The following UACA variants were observed in gnomAD, a reference collection of about 807,000 sequenced individuals.
UACA encodes the protein uveal autoantigen with coiled-coil domains and ankyrin repeats.
Under a neutral mutation model 160.5 loss-of-function variants are expected in UACA, and 112 were observed. The observed-to-expected ratio is 0.70, with a 90% CI of 0.60 to 0.82. The LOEUF (loss-of-function observed/expected upper bound fraction) is 0.82, where lower values mean the gene tolerates loss of function less well. UACA is among the 40% of genes least tolerant of loss of function. The probability of loss-of-function intolerance (pLI) is 0.00; values close to 1 mark genes in which losing one functional copy is unlikely to be tolerated. For synonymous variants in UACA, 557 were observed against 568.4 expected (o/e 0.98, Z 0.29); for missense variants, 1,574 against 1,614.6 (o/e 0.97, Z 0.43).
chr15:70,696,536 A>T (rs960500374), intron 2 of UACA, among the ~76,000 whole-genome samples: 2 of 152,186 alleles, frequency 1.3e-5, no homozygotes, highest in Non-Finnish European at 2.9e-5. Context: ...ATAAATGCAA[A>T]CTATAGACAA....
chr15:70,759,727 T>C (rs1215432130), intron 1 of UACA, among the ~76,000 whole-genome samples: 1 of 152,214 alleles, frequency 6.6e-6, no homozygotes, highest in African/African-American at 2.4e-5. Context: ...GATGCAGCCA[T>C]CTCCAGATTT....
chr15:70,713,104 G>A (rs1898730766), intron 1 of UACA, among the ~76,000 whole-genome samples: 1 of 152,188 alleles, frequency 6.6e-6, no homozygotes, highest in African/African-American at 2.4e-5. Context: ...CAGCACTTTG[G>A]GAGGCCGAGG....
At chr15:70,746,621 T>C (rs1899715761) in intron 1 of UACA, among the ~76,000 whole-genome samples, 1 of 152,152 alleles carries the variant, frequency 6.6e-6, no homozygotes. Context: ...GACCCATCAA[T>C]CCCATTACTG....
intron 7 of UACA, among the ~76,000 whole-genome samples, chr15:70,686,847 G>A (rs1489494960): frequency 6.6e-6 from 1 of 152,140 alleles, no homozygotes; most frequent in African/African-American, 2.4e-5. Flanking sequence ...GAAGGGGTGT[G>A]TTTCAGATAC....
intron 1 of UACA, among the ~76,000 whole-genome samples, chr15:70,744,961 T>C (rs966215555): frequency 1.2e-4 from 19 of 152,188 alleles, no homozygotes; most frequent in African/African-American, 4.3e-4. Flanking sequence ...TACACAAGTG[T>C]AATGTTTTCC....
At chr15:70,695,154 A>C (rs771874546) in intron 2 of UACA, 49 bp from the exon 3 acceptor site, 3 of 1,367,382 alleles carry the variant, frequency 2.2e-6, no homozygotes, top group Non-Finnish European at 3.0e-6. Flanking sequence ...ACCAAAGGTC[A>C]CCTTAAATGC....
upstream of UACA, among the ~76,000 whole-genome samples, chr15:70,764,621 C>T (rs746771296): frequency 2.6e-5 from 4 of 152,180 alleles, no homozygotes; most frequent in Non-Finnish European, 5.9e-5. Context: ...TTTATAGTAA[C>T]GCAAGGTTTT....
At chr15:70,702,153 G>A in intron 1 of UACA, 2 of 1,282,246 alleles carry the variant, frequency 1.6e-6, no homozygotes, top group Non-Finnish European at 2.0e-6. Flanking sequence ...ATTAAGAGCA[G>A]CCCCAAGTCA....
chr15:70,659,391 GTTTGT>G (rs1390923276), intron 18 of UACA, among the ~76,000 whole-genome samples: 928 of 9,920 alleles, frequency 0.094, 23 homozygotes, highest in African/African-American at 0.15. Context: ...TTCATTTTTT[GTTTGT>G]TTTTTTTTTT....
intron 1 of UACA, among the ~76,000 whole-genome samples, chr15:70,736,128 G>A (rs1184134794): frequency 6.6e-6 from 1 of 152,180 alleles, no homozygotes; most frequent in Non-Finnish European, 1.5e-5. Flanking sequence ...CACCTCTGGT[G>A]TGGAAACTGA....
chr15:70,767,236 T>C (rs1595933525), upstream of UACA, among the ~76,000 whole-genome samples: 1 of 103,142 alleles, frequency 9.7e-6, no homozygotes, highest in African/African-American at 4.5e-5. Flanking sequence ...CAAGACTCCA[T>C]CTCAAAAAAA....
intron 1 of UACA, among the ~76,000 whole-genome samples, chr15:70,735,471 T>C (rs936411303): frequency 2.0e-5 from 3 of 152,074 alleles, no homozygotes; most frequent in African/African-American, 4.8e-5. Flanking sequence ...TAGGAAACTA[T>C]TTTAAGGAGT....
At chr15:70,736,439 T>G (rs1279552398) in intron 1 of UACA, among the ~76,000 whole-genome samples, 1 of 152,092 alleles carries the variant, frequency 6.6e-6, no homozygotes, top group African/African-American at 2.4e-5. Flanking sequence ...TTCAACATGC[T>G]TTTTTTGGGG....
Position 70,664,667 on chromosome 15 carries a change from G to A in UACA, c.4108C>T (p.Leu1370=). 6.2e-7 allele frequency: 1 copy of A among 1,608,804 alleles called. No homozygotes were observed. Among genetic ancestry groups the A allele is most frequent in the Non-Finnish European group, 8.5e-7 (1 of 1,177,664 alleles). Residue 1370 remains leucine (L), a synonymous_variant, in exon 17 of 19, where the codon CTG becomes TTG. Transcript: ENST00000322954. ...CCGTGTGCCTGGTTACTCACGGCCA[G>A]CTGTTGCTCCAGAGATTTCACTTGG... ...QHQVKSLEQQ[L]ADADRQHQEV...
intron 1 of UACA, among the ~76,000 whole-genome samples, chr15:70,743,201 T>G (rs1899592400): frequency 6.6e-6 from 1 of 152,236 alleles, no homozygotes; most frequent in South Asian, 2.1e-4. Context: ...ATCTTTCAAA[T>G]TGCTCTGACT....
intron 1 of UACA, among the ~76,000 whole-genome samples, chr15:70,755,688 AG>A (rs2030382665): frequency 1.3e-5 from 2 of 149,810 alleles, no homozygotes; most frequent in South Asian, 2.1e-4. Context: ...AAAAAAAAAA[AG>A]AATGAATGAA....
At chr15:70,735,940 T>C (rs958570346) in intron 1 of UACA, among the ~76,000 whole-genome samples, 1 of 152,188 alleles carries the variant, frequency 6.6e-6, no homozygotes, top group African/African-American at 2.4e-5. Flanking sequence ...CCTCCCAAAG[T>C]GTTGCGATTA....
At chr15:70,706,655 A>G (rs1898532561) in intron 1 of UACA, among the ~76,000 whole-genome samples, 1 of 152,164 alleles carries the variant, frequency 6.6e-6, no homozygotes, top group African/African-American at 2.4e-5. Flanking sequence ...TTTCTATATA[A>G]TAACAATGAA....
chr15:70,709,258 T>C (rs1351411016), intron 1 of UACA, among the ~76,000 whole-genome samples: 1 of 152,232 alleles, frequency 6.6e-6, no homozygotes, highest in African/African-American at 2.4e-5. Flanking sequence ...TCAGTTATTA[T>C]GTTGGTTTGA....
Sources: allele counts gnomAD v4.1 joint callset (sites outside exome capture counted in the v4.1 genomes callset), GRCh38; gene constraint gnomAD v4.1.1; transcripts MANE v1.5; gene names NCBI Gene and HGNC (gene_info 2026-07-23, HGNC 2026-07-21).